Variants in CPSF7 observed in about 807,000 individuals in gnomAD.
The protein encoded by CPSF7 is cleavage and polyadenylation specificity factor subunit 7.
In CPSF7, 1 loss-of-function variant was observed where a neutral mutation model predicts 44.3. That is an observed-to-expected ratio of 0.02 (90% CI 0.01 to 0.11). The LOEUF is 0.11. Among genes scored for constraint, CPSF7 ranks in the 10% least tolerant of loss-of-function variants. The probability of loss-of-function intolerance (pLI) is 1.00; values close to 1 mark genes in which losing one functional copy is unlikely to be tolerated. For synonymous variants in CPSF7, 202 were observed against 222.0 expected (o/e 0.91, Z 0.80); for missense variants, 443 against 607.2 (o/e 0.73, Z 2.84).
chr11:61,408,591 G>A (rs1008426887), intron 9 of CPSF7, among the ~76,000 whole-genome samples: 8 of 152,090 alleles, frequency 5.3e-5, no homozygotes, highest in South Asian at 4.1e-4. Flanking sequence ...TAGAAGCAGA[G>A]ACAACACCTG....
intron 5 of CPSF7, among the ~76,000 whole-genome samples, chr11:61,416,898 C>T (rs1264511334): frequency 1.3e-5 from 2 of 152,184 alleles, no homozygotes; most frequent in African/African-American, 4.8e-5. Flanking sequence ...TGAAACCCCA[C>T]ATCTCCTGAA....
At chr11:61,419,489 G>T (rs1390895569) in intron 5 of CPSF7, among the ~76,000 whole-genome samples, 1 of 152,196 alleles carries the variant, frequency 6.6e-6, no homozygotes, top group Non-Finnish European at 1.5e-5. Flanking sequence ...CAACGTTTAT[G>T]AAAAGATTAT....
At chr11:61,406,862 T>C (rs991485434) in intron 9 of CPSF7, among the ~76,000 whole-genome samples, 1 of 152,080 alleles carries the variant, frequency 6.6e-6, no homozygotes, top group African/African-American at 2.4e-5. Flanking sequence ...CCCACCTAAG[T>C]GCCCCCAAGT....
At chr11:61,410,430 T>C (rs1859751409) in intron 9 of CPSF7, 1 of 152,296 alleles carries the variant, frequency 6.6e-6, no homozygotes, top group South Asian at 2.1e-4. Context: ...TAAGTGGCAA[T>C]GGCTTTACTA....
In CPSF7 at chr11:61,410,923, G is replaced by A. The variant is rs201473405; in HGVS notation, c.*5+15C>T. On this transcript the variant is annotated intron_variant, in intron 9 of 9. Transcript: ENST00000439958. ...AAAAAATCCCCCAGCAGCCAGGAAC[G>A]GGGCTTCTCCCCACCTTTCTCAGTG... 707 of 1,556,326 alleles carry A rather than the reference G, an allele frequency of 4.5e-4. No individual in the cohort carries two copies. The highest frequency in any genetic ancestry group is 1.6e-4 in the Non-Finnish European group (190 of 1,155,130).
chr11:61,429,298 AT>A lies in CPSF7; in HGVS notation c.-55-9del. 6.4e-7 allele frequency: 1 copy of A among 1,561,420 alleles called. No homozygotes were observed. Among genetic ancestry groups the A allele is most frequent in the South Asian group, 1.1e-5 (1 of 89,982 alleles). On this transcript the variant is annotated splice_polypyrimidine_tract_variant and intron_variant, in intron 1 of 9. Transcript: ENST00000439958. ...AAAGTAAGGAAGATGCCACTGCGGG[AT>A]TCGGAAAAATGCAAGAATTAGAAGG...
chr11:61,414,976 C>T (rs1402992026), intron 7 of CPSF7, among the ~76,000 whole-genome samples: 4 of 152,206 alleles, frequency 2.6e-5, no homozygotes, highest in Non-Finnish European at 4.4e-5. Context: ...GTGGCTCACA[C>T]CTGTAATCCT....
chr11:61,421,210 G>A (rs769786516), intron 3 of CPSF7, 180 bp downstream of exon 3: 114 of 1,079,490 alleles, frequency 1.1e-4, no homozygotes, highest in Non-Finnish European at 1.5e-4. Flanking sequence ...TGCTTTCTTC[G>A]GCACCAGTAC....
rs11606608 is a variant in CPSF7, at chr11:61,426,896, C to T, written c.54+2286G>A. ...CAAAAATTAGCTGGGCATGGCGGTG[C>T]GCGCGCCTGTAGTCCCATCTACTCA... On this transcript the variant is annotated intron_variant, in intron 2 of 9. Coordinates refer to ENST00000439958, the MANE Select transcript of CPSF7 (RefSeq NM_001142565.3). The T allele has an allele frequency of 5.0e-3, 759 of 152,036 alleles. 4 individuals carry two copies. The highest frequency in any genetic ancestry group is 0.017 in the Middle Eastern group (5 of 296). The allele number at this position is 152,036 out of a possible 1,614,324, so 9.4% of individuals were successfully genotyped here. A position where few individuals can be genotyped will look rare whatever the true frequency, so the allele number is the denominator to read the frequency against.
intron 1 of CPSF7, 165 bp downstream of exon 1, chr11:61,429,749 C>G (rs770705695): frequency 1.3e-6 from 2 of 1,545,890 alleles, no homozygotes; most frequent in Non-Finnish European, 1.7e-6. Flanking sequence ...CGCTCCCTCC[C>G]GACAAACCCG....
rs767137882 is a variant in CPSF7 at position 61,416,228 on chromosome 11, G to A, written c.815C>T (p.Pro272Leu). Residue 272 changes from proline (P) to leucine (L), a missense_variant, in exon 6 of 10, where the codon CCC becomes CTC. Transcript: ENST00000439958. ...PRLPPHLAVP[P>L]PGAIPPALHL... ...AAGGGCAGGTGGGATGGCCCCAGGG[G>A]GAGGTACAGCAAGATGAGGAGGTAA... is the stretch of plus-strand genomic sequence containing the variant. The A allele has an allele frequency of 6.5e-7, 1 of 1,532,508 alleles. No individual in the cohort carries two copies. Among genetic ancestry groups the A allele is most frequent in the East Asian group, 2.3e-5 (1 of 44,004 alleles). The allele number at this position is 1,532,508 out of a possible 1,614,324, so 94.9% of individuals were successfully genotyped here.
At chr11:61,414,008 A>G (rs2135304288) in intron 7 of CPSF7, among the ~76,000 whole-genome samples, 1 of 152,318 alleles carries the variant, frequency 6.6e-6, no homozygotes, top group Admixed American at 6.5e-5. Context: ...ACAACAGGAG[A>G]TCAAGATTCA....
intron 7 of CPSF7, among the ~76,000 whole-genome samples, chr11:61,412,905 G>A (rs1233044122): frequency 6.6e-6 from 1 of 152,188 alleles, no homozygotes; most frequent in Non-Finnish European, 1.5e-5. Flanking sequence ...AAAAATTCTG[G>A]AGGAATATAA....
chr11:61,421,040 T>C, intron 3 of CPSF7: 1 of 1,304,860 alleles, frequency 7.7e-7, no homozygotes, highest in Non-Finnish European at 1.0e-6. Context: ...AGGTCTTTAA[T>C]CCCCATCACC....
At chr11:61,427,026 C>CAAAAAAAAAAAA (rs71471825) in intron 2 of CPSF7, 1 of 13,668 alleles carries the variant, frequency 7.3e-5, no homozygotes, top group African/African-American at 1.1e-4. Flanking sequence ...GACTCTGTCT[C>CAAAAAAAAAAAA]AAAAAAAAAA....
Position 61,403,547 on chromosome 11 carries a change from C to A in CPSF7, c.*1163G>T, listed in dbSNP as rs1026684542. 6.6e-6 allele frequency: 1 copy of A among 152,146 alleles called. No homozygotes were observed. The highest frequency in any genetic ancestry group is 2.1e-4 in the South Asian group (1 of 4,814). The allele number at this position is 152,146 out of a possible 1,614,324, so 9.4% of individuals were successfully genotyped here. ...GCTCCTCATCTGAGGCAGGAAGTAT[C>A]TCCAGGCAGAGTGAGAGGAGCTATT... On this transcript the variant is annotated 3_prime_UTR_variant, in exon 10 of 10. Transcript: ENST00000439958.
chr11:61,428,814 A>G (rs886154539), intron 2 of CPSF7: 1 of 157,318 alleles, frequency 6.4e-6, no homozygotes, highest in Non-Finnish European at 1.4e-5. Flanking sequence ...TTGAGAATGT[A>G]AAGGAACCGG....
In CPSF7 at chr11:61,415,801, C is replaced by T. The variant is rs200649476; in HGVS notation, c.939-17G>A. The T allele has an allele frequency of 1.3e-6, 2 of 1,518,058 alleles. No homozygotes were observed. The allele number at this position is 1,518,058 out of a possible 1,614,324, so 94.0% of individuals were successfully genotyped here. On this transcript the variant is annotated splice_polypyrimidine_tract_variant and intron_variant, in intron 6 of 9. Transcript: ENST00000439958. ...GAATCTCGGCTGTACAGAGAAAATA[C>T]CATCCTTGATTGCTCACATCCCTTA...
intron 7 of CPSF7, 108 bp from the exon 8 acceptor site, chr11:61,412,045 A>G: frequency 1.1e-6 from 1 of 907,856 alleles, no homozygotes. Flanking sequence ...AGCCGTCCCA[A>G]ACAACCGCGG....
Sources: allele counts gnomAD v4.1 joint callset (sites outside exome capture counted in the v4.1 genomes callset), GRCh38; gene constraint gnomAD v4.1.1; transcripts MANE v1.5; gene names NCBI Gene and HGNC (gene_info 2026-07-23, HGNC 2026-07-21).